Variants in TNKS observed in about 807,000 individuals in gnomAD.
TNKS encodes the protein poly [ADP-ribose] polymerase tankyrase-1.
A neutral mutation model predicts 135.8 loss-of-function variants in TNKS; 72 were observed. The observed-to-expected ratio is 0.53, with a 90% confidence interval of 0.44 to 0.64. TNKS has a LOEUF of 0.64. Ranked by LOEUF, TNKS falls within the 30% of genes least tolerant of loss-of-function variation. The probability of loss-of-function intolerance (pLI) is 0.00; values close to 1 mark genes in which losing one functional copy is unlikely to be tolerated. For missense variants in TNKS, 1,769 were observed against 1,674.0 expected (o/e 1.06, Z -0.99); for synonymous variants, 849 against 649.3 (o/e 1.31, Z -4.68).
intron 13 of TNKS, among the ~76,000 whole-genome samples, chr8:9,727,658 T>C (rs925855171): frequency 6.6e-6 from 1 of 152,240 alleles, no homozygotes; most frequent in African/African-American, 2.4e-5. Flanking sequence ...CTGTCAACTT[T>C]GTCACCTCTT....
chr8:9,689,660 G>C (rs1585331007), intron 5 of TNKS, among the ~76,000 whole-genome samples: 1 of 152,178 alleles, frequency 6.6e-6, no homozygotes, highest in Non-Finnish European at 1.5e-5. Flanking sequence ...GCTCCTGGCT[G>C]TTTTTGGCTG....
chr8:9,649,368 T>C lies in TNKS; in HGVS notation c.995-30583T>C, dbSNP rs73526914. On this transcript the variant is annotated intron_variant, in intron 3 of 26. Transcript: ENST00000310430. ...GCGAATAAGATGAGGCAAGGAGTTT[T>C]CACGTTTTTAAAGATCATATCCAGG... Among the ~76,000 whole-genome samples the C allele has an allele frequency of 1.4e-3, 213 of 152,342 alleles. 1 individual carries two copies. Among genetic ancestry groups the C allele is most frequent in the African/African-American group, 4.7e-3 (195 of 41,564 alleles).
chr8:9,764,853 G>A, intron 23 of TNKS, 63 bp downstream of exon 23: 1 of 1,370,776 alleles, frequency 7.3e-7, no homozygotes, highest in Non-Finnish European at 9.9e-7. Context: ...ACCAAATCTA[G>A]ACAATGAAAA....
chr8:9,712,207 C>A (rs1182085118), intron 11 of TNKS, among the ~76,000 whole-genome samples: 2 of 152,192 alleles, frequency 1.3e-5, no homozygotes, highest in Admixed American at 6.5e-5. Context: ...CGTGTAGTGG[C>A]CCGTAATCAC....
intron 3 of TNKS, among the ~76,000 whole-genome samples, chr8:9,631,283 A>T (rs1401625681): frequency 6.6e-6 from 1 of 152,202 alleles, no homozygotes; most frequent in African/African-American, 2.4e-5. Flanking sequence ...GTACCCAGCC[A>T]TGTCAATCAT....
At chr8:9,646,385 G>C (rs2128778903) in intron 3 of TNKS, among the ~76,000 whole-genome samples, 1 of 151,990 alleles carries the variant, frequency 6.6e-6, no homozygotes, top group Non-Finnish European at 1.5e-5. Context: ...GTGATCTGTA[G>C]TTATTATTCT....
chr8:9,627,434 G>A (rs1215451731), intron 3 of TNKS, among the ~76,000 whole-genome samples: 1 of 152,116 alleles, frequency 6.6e-6, no homozygotes, highest in Non-Finnish European at 1.5e-5. Flanking sequence ...ATCAGAAATG[G>A]CAGGTAGTCT....
chr8:9,617,173 C>T (rs1320617257), intron 3 of TNKS, among the ~76,000 whole-genome samples: 2 of 152,148 alleles, frequency 1.3e-5, no homozygotes, highest in African/African-American at 4.8e-5. Flanking sequence ...AAACTATATC[C>T]TAATTTGTAA....
At chr8:9,605,494 G>A (rs1251071880) in intron 2 of TNKS, among the ~76,000 whole-genome samples, 1 of 151,932 alleles carries the variant, frequency 6.6e-6, no homozygotes, top group Non-Finnish European at 1.5e-5. Flanking sequence ...TTCCTTTTGA[G>A]TAAATACTTA....
chr8:9,759,470 C>T (rs1160996473), intron 20 of TNKS, among the ~76,000 whole-genome samples: 6 of 152,142 alleles, frequency 3.9e-5, no homozygotes, highest in Non-Finnish European at 8.8e-5. Flanking sequence ...TCAGCCTTGC[C>T]TTCTAAACTA....
chr8:9,570,934 A>C (rs1035321827), intron 1 of TNKS, among the ~76,000 whole-genome samples: 49 of 152,198 alleles, frequency 3.2e-4, no homozygotes, highest in African/African-American at 1.1e-3. Flanking sequence ...ATGCCACTGC[A>C]CTCCAGCCTG....
chr8:9,561,778 C>T (rs1318176678), intron 1 of TNKS, among the ~76,000 whole-genome samples: 1 of 152,118 alleles, frequency 6.6e-6, no homozygotes, highest in Non-Finnish European at 1.5e-5. Flanking sequence ...ACTGCCAACA[C>T]CTTTCCCCAA....
At chr8:9,685,457 A>C (rs1474004801) in intron 5 of TNKS, among the ~76,000 whole-genome samples, 1 of 152,166 alleles carries the variant, frequency 6.6e-6, no homozygotes, top group African/African-American at 2.4e-5. Flanking sequence ...AGAAAATTAG[A>C]TTCCTACTCC....
chr8:9,665,512 T>A (rs1801943618), intron 3 of TNKS, among the ~76,000 whole-genome samples: 1 of 152,232 alleles, frequency 6.6e-6, no homozygotes, highest in Non-Finnish European at 1.5e-5. Flanking sequence ...TGTCCAGGAC[T>A]TCAGAGTCAC....
chr8:9,694,292 A>G (rs1563171864), intron 5 of TNKS, among the ~76,000 whole-genome samples: 1 of 152,150 alleles, frequency 6.6e-6, no homozygotes, highest in Non-Finnish European at 1.5e-5. Flanking sequence ...ACCCTATTAT[A>G]TGTAAGGTGC....
chr8:9,758,132 T>G (rs565974867), intron 20 of TNKS, among the ~76,000 whole-genome samples: 1 of 152,360 alleles, frequency 6.6e-6, no homozygotes, highest in African/African-American at 2.4e-5. Context: ...TAATAGTACT[T>G]CATTATCTGT....
chr8:9,601,063 G>T (rs1207309930), intron 2 of TNKS, among the ~76,000 whole-genome samples: 2 of 152,138 alleles, frequency 1.3e-5, no homozygotes, highest in African/African-American at 2.4e-5. Context: ...TAAACAGCAT[G>T]CATAAAGATC....
At chr8:9,630,061 T>C (rs1800227924) in intron 3 of TNKS, among the ~76,000 whole-genome samples, 1 of 152,210 alleles carries the variant, frequency 6.6e-6, no homozygotes, top group Admixed American at 6.5e-5. Context: ...TCAAATGGGC[T>C]AGTATCTAGT....
At chr8:9,602,556 G>A (rs191590878) in intron 2 of TNKS, among the ~76,000 whole-genome samples, 1 of 152,254 alleles carries the variant, frequency 6.6e-6, no homozygotes, top group Admixed American at 6.5e-5. Flanking sequence ...AGCCTGTGAG[G>A]ATACTAGCGG....
Sources: allele counts gnomAD v4.1 joint callset (sites outside exome capture counted in the v4.1 genomes callset), GRCh38; gene constraint gnomAD v4.1.1; transcripts MANE v1.5; gene names NCBI Gene and HGNC (gene_info 2026-07-23, HGNC 2026-07-21).